OTX1: variants seen among roughly 807,000 people sequenced by gnomAD.
The protein encoded by OTX1 is orthodenticle homeobox 1, also known as homeobox protein OTX1.
A neutral mutation model predicts 26.7 loss-of-function variants in OTX1; 7 were observed. That is an observed-to-expected ratio of 0.26 (90% CI 0.15 to 0.49). The LOEUF is 0.49. Among genes scored for constraint, OTX1 ranks in the 20% least tolerant of loss-of-function variants. The pLI is 0.98. For synonymous variants in OTX1, 216 were observed against 212.8 expected (o/e 1.01, Z -0.13); for missense variants, 414 against 483.8 (o/e 0.86, Z 1.35).
chr2:63,055,968 C>T lies in OTX1; in HGVS notation c.717C>T (p.Ser239=). The T allele has an allele frequency of 6.2e-7, 1 of 1,613,696 alleles. No homozygotes were observed. Among genetic ancestry groups the T allele is most frequent in the Non-Finnish European group, 8.5e-7 (1 of 1,180,038 alleles). ...ACGGCCAAGGCTACCCTACGCCCTC[C>T]TCTTCCTACTTTGGCGGCGTGGACT... ...GSYGQGYPTP[S]SSYFGGVDCS... The change falls in exon 5 of 5, where the codon TCC becomes TCT. Residue 239 remains serine (S), a synonymous_variant. Transcript: ENST00000282549. The surrounding 1 kb of genome is among the most constrained non-coding windows in gnomAD (Gnocchi z 5.2).
In OTX1 at chr2:63,056,438, C is replaced by CA. The variant is rs752690685; in HGVS notation, c.*127dup. The CA allele has an allele frequency of 1.5e-5, 14 of 909,236 alleles. No homozygotes were observed. The highest frequency in any genetic ancestry group is 2.3e-5 in the Non-Finnish European group (14 of 608,698). The allele number at this position is 909,236 out of a possible 1,614,324, so 56.3% of individuals were successfully genotyped here. ...TCTCCAAAACTGAATTTTCACCCCC[C>CA]AAAAAGATGTCCATTGCCTGCACTG... On this transcript the variant is annotated 3_prime_UTR_variant, in exon 5 of 5. Transcript: ENST00000282549.
rs764349035 is a variant in OTX1 at position 63,055,943 on chromosome 2, A to T, written c.692A>T (p.Tyr231Phe). Residue 231 changes from tyrosine to phenylalanine, a missense_variant, in exon 5 of 5, where the codon TAC becomes TTC. This residue lies in a region of OTX1 where 320 missense variants were observed against 347.9 expected (regional missense o/e 0.92). Transcript: ENST00000282549. The surrounding 1 kb of genome is among the most constrained non-coding windows in gnomAD (Gnocchi z 5.2). Reference protein sequence around the residue: ...YPMSYGQGGSYGQGYPTPSSS... With the variant: ...YPMSYGQGGSFGQGYPTPSSS... ...ATGTCCTACGGCCAGGGCGGCAGCT[A>T]CGGCCAAGGCTACCCTACGCCCTCC... The T allele has an allele frequency of 1.9e-6, 3 of 1,613,050 alleles. No individual in the cohort carries two copies. The highest frequency in any genetic ancestry group is 1.1e-5 in the South Asian group (1 of 91,084).
upstream of OTX1, chr2:63,050,610 C>T (rs1016032399): frequency 6.7e-6 from 1 of 148,396 alleles, no homozygotes; most frequent in East Asian, 2.1e-4. Flanking sequence ...TTTTGCCAGC[C>T]GAGTCCCGGA....
Position 63,052,936 on chromosome 2 carries a change from G to T in OTX1, c.-55G>T. The T allele has an allele frequency of 8.1e-7, 1 of 1,229,508 alleles. No homozygotes were observed. The allele number at this position is 1,229,508 out of a possible 1,614,324, so 76.2% of individuals were successfully genotyped here. On this transcript the variant is annotated 5_prime_UTR_variant, in exon 3 of 5. Coordinates refer to ENST00000282549, the MANE Select transcript of OTX1 (RefSeq NM_014562.4). ...GACTGCGTGGTGGGAGCCCTGCACC[G>T]CTCCTGGCCCCGGGCCCCCTGGATC...
At position 63,055,839 on chromosome 2, in the gene OTX1, A is replaced by G; in HGVS notation, c.588A>G (p.Pro196=). The change falls in exon 5 of 5, where the codon CCA becomes CCG. Residue 196 remains proline, a synonymous_variant. Transcript: ENST00000282549. The surrounding 1 kb of genome is among the most constrained non-coding windows in gnomAD (Gnocchi z 5.2). ...SAPASVSVPE[P]LAAPSNTSCM... ...CCGCGTCCGTGTCGGTGCCGGAGCC[A>G]TTGGCCGCGCCTAGCAACACCTCGT... is the stretch of plus-strand genomic sequence containing the variant. 1 of 1,612,214 alleles carries G rather than the reference A, an allele frequency of 6.2e-7. No individual in the cohort carries two copies. The highest frequency in any genetic ancestry group is 8.5e-7 in the Non-Finnish European group (1 of 1,179,804).
upstream of OTX1, among the ~76,000 whole-genome samples, chr2:63,049,856 A>G (rs2062010230): frequency 6.6e-6 from 1 of 152,234 alleles, no homozygotes; most frequent in African/African-American, 2.4e-5. This position sits in a 1 kb window ranked among gnomAD's most constrained non-coding sequence, Gnocchi z 4.8. Flanking sequence ...CTTCGCCCGT[A>G]CGAACAATCC....
chr2:63,050,783 A>G (rs548291777), upstream of OTX1: 2 of 152,328 alleles, frequency 1.3e-5, no homozygotes, highest in Admixed American at 1.3e-4. Context: ...TAGCCCCGTT[A>G]CGCACTCGCC....
Position 63,055,705 on chromosome 2 carries a change from G to A in OTX1, c.454G>A (p.Ala152Thr). The A allele has an allele frequency of 6.2e-7, 1 of 1,613,418 alleles. No individual in the cohort carries two copies. The highest frequency in any genetic ancestry group is 8.5e-7 in the Non-Finnish European group (1 of 1,179,880). ...ASSSSANPAA[A>T]AAAGLGGNPV... ...CAGCTCTTCCGCCAACCCAGCGGCT[G>A]CAGCGGCTGCGGGACTAGGTGGGAA... Residue 152 changes from alanine (A) to threonine (T), a missense_variant, in exon 5 of 5, where the codon GCA becomes ACA. By Grantham distance (58) the Ala-to-Thr change is moderately conservative. Around this residue, in one of 3 missense-constraint regions of OTX1, gnomAD observed 320 missense variants for 347.9 expected, o/e 0.92. Coordinates refer to ENST00000282549, the MANE Select transcript of OTX1 (RefSeq NM_014562.4). The surrounding 1 kb of genome is among the most constrained non-coding windows in gnomAD (Gnocchi z 5.2).
At chr2:63,053,901 G>C (rs556375653) in intron 3 of OTX1, 146 bp from the exon 4 acceptor site, 3 of 921,730 alleles carry the variant, frequency 3.3e-6, no homozygotes, top group Non-Finnish European at 3.2e-6. Context: ...TCTCAGGCTC[G>C]GCCGCCCGAG....
chr2:63,050,351 G>A (rs1490483228), upstream of OTX1, among the ~76,000 whole-genome samples: 1 of 152,174 alleles, frequency 6.6e-6, no homozygotes, highest in Non-Finnish European at 1.5e-5. Flanking sequence ...GAGAGGGGCC[G>A]AGGCCCGGGC....
In OTX1 at chr2:63,055,997, G is replaced by A; in HGVS notation, c.746G>A (p.Ser249Asn). Residue 249 changes from serine (S) to asparagine (N), a missense_variant, in exon 5 of 5, where the codon AGC becomes AAC. This residue lies in a region of OTX1 where 320 missense variants were observed against 347.9 expected (regional missense o/e 0.92). Coordinates refer to ENST00000282549, the MANE Select transcript of OTX1 (RefSeq NM_014562.4). This position sits in a 1 kb window ranked among gnomAD's most constrained non-coding sequence, Gnocchi z 5.2. ...SSSYFGGVDC[S>N]SYLAPMHSHH... The stretch of plus-strand genomic sequence containing the variant: ...TCCTACTTTGGCGGCGTGGACTGCA[G>A]CTCATACCTAGCGCCCATGCACTCA... 1 of 1,613,990 alleles carries A rather than the reference G, an allele frequency of 6.2e-7. No individual in the cohort carries two copies. Among genetic ancestry groups the A allele is most frequent in the Non-Finnish European group, 8.5e-7 (1 of 1,180,040 alleles).
In OTX1 at chr2:63,056,519, T is replaced by G. The variant is rs2062069361; in HGVS notation, c.*203T>G. 1 of 604,628 alleles carries G rather than the reference T, an allele frequency of 1.7e-6. No homozygotes were observed. Among genetic ancestry groups the G allele is most frequent in the Non-Finnish European group, 2.9e-6 (1 of 342,020 alleles). 37.5% of individuals were successfully genotyped at this position (604,628 alleles called of 1,614,324 possible). A position where few individuals can be genotyped will look rare whatever the true frequency, so the allele number is the denominator to read the frequency against. ...GGGATGTGCAAACCCACCCTGCCCC[T>G]TGGATGGGGGGACCGGTGCTTCGGC... is the stretch of plus-strand genomic sequence containing the variant. On this transcript the variant is annotated 3_prime_UTR_variant, in exon 5 of 5. Coordinates refer to ENST00000282549, the MANE Select transcript of OTX1 (RefSeq NM_014562.4).
At chr2:63,051,863 G>A (rs747761688) in intron 2 of OTX1, 3 of 152,604 alleles carry the variant, frequency 2.0e-5, no homozygotes, top group Non-Finnish European at 4.4e-5. Flanking sequence ...TGACCCCTGA[G>A]AGTGGCACCC....
chr2:63,054,599 G>A (rs539714571), intron 4 of OTX1, among the ~76,000 whole-genome samples: 2 of 152,216 alleles, frequency 1.3e-5, no homozygotes, highest in South Asian at 4.1e-4. Flanking sequence ...TTCCACCCCG[G>A]GAATCCTAGA....
chr2:63,054,033 G>C lies in OTX1; in HGVS notation c.98-14G>C. ...GCCACCAATGACCCGCGGCGCCCCC[G>C]CGTGTCCCCGCAGCCACTCCGCGGA... On this transcript the variant is annotated splice_polypyrimidine_tract_variant and intron_variant, in intron 3 of 4. Coordinates refer to ENST00000282549, the MANE Select transcript of OTX1 (RefSeq NM_014562.4). 3 of 1,606,398 alleles carry C rather than the reference G, an allele frequency of 1.9e-6. No individual in the cohort carries two copies. Among genetic ancestry groups the C allele is most frequent in the Middle Eastern group, 3.3e-4 (2 of 6,022 alleles).
In OTX1 at chr2:63,055,769, C is replaced by T; in HGVS notation, c.518C>T (p.Ala173Val). ...GCGTCGTCGCTGAGTACACCAGCTGCCTCATCTATCTGGAGCCCGGCCTCC... is the reference window on the plus strand; with the variant it reads ...GCGTCGTCGCTGAGTACACCAGCTGTCTCATCTATCTGGAGCCCGGCCTCC... Reference protein sequence around the residue: ...AAASSLSTPAASSIWSPASIS... With the variant: ...AAASSLSTPAVSSIWSPASIS... The change falls in exon 5 of 5, where the codon GCC (alanine) becomes GTC (valine). Residue 173 changes from alanine to valine, a missense_variant. Physicochemically the swap from Ala to Val is moderately conservative, Grantham distance 64. Coordinates refer to ENST00000282549, the MANE Select transcript of OTX1 (RefSeq NM_014562.4). The surrounding 1 kb of genome is among the most constrained non-coding windows in gnomAD (Gnocchi z 5.2). 6.2e-7 allele frequency: 1 copy of T among 1,612,590 alleles called. No homozygotes were observed. The highest frequency in any genetic ancestry group is 8.5e-7 in the Non-Finnish European group (1 of 1,179,694).
chr2:63,057,826 A>C lies in OTX1; in HGVS notation c.*1510A>C, dbSNP rs1350779567. The C allele has an allele frequency of 6.6e-6, 1 of 152,128 alleles. No individual in the cohort carries two copies. Among genetic ancestry groups the C allele is most frequent in the Admixed American group, 6.5e-5 (1 of 15,290 alleles). 9.4% of individuals were successfully genotyped at this position (152,128 alleles called of 1,614,324 possible). A position where few individuals can be genotyped will look rare whatever the true frequency, so the allele number is the denominator to read the frequency against. On this transcript the variant is annotated 3_prime_UTR_variant, in exon 5 of 5. Coordinates refer to ENST00000282549, the MANE Select transcript of OTX1 (RefSeq NM_014562.4). ...TACTTCCCGAAAATAAATGCAAATT[A>C]ATGAACGGCTTGTCAGTGTTGCTCT...
chr2:63,049,775 ACT>A (rs2062009725), upstream of OTX1, among the ~76,000 whole-genome samples: 1 of 152,134 alleles, frequency 6.6e-6, no homozygotes, highest in Non-Finnish European at 1.5e-5. This position sits in a 1 kb window ranked among gnomAD's most constrained non-coding sequence, Gnocchi z 4.8. Flanking sequence ...TGGAACGAAA[ACT>A]CTTTTTTGCA....
Position 63,055,261 on chromosome 2 carries a change from G to A in OTX1, c.250-240G>A, listed in dbSNP as rs1174624311. The stretch of plus-strand genomic sequence containing the variant: ...AGAGTTGCGGTAGGGGTGGGGAGGT[G>A]CGCATCCCTGCTCTGGAGCCAGCTG... On this transcript the variant is annotated intron_variant, in intron 4 of 4. Coordinates refer to ENST00000282549, the MANE Select transcript of OTX1 (RefSeq NM_014562.4). This position sits in a 1 kb window ranked among gnomAD's most constrained non-coding sequence, Gnocchi z 5.2. 1.3e-5 allele frequency among the ~76,000 whole-genome samples: 2 copies of A among 152,198 alleles called. No homozygotes were observed. The highest frequency in any genetic ancestry group is 2.4e-5 in the African/African-American group (1 of 41,450).
Sources: allele counts gnomAD v4.1 joint callset (sites outside exome capture counted in the v4.1 genomes callset), GRCh38; gene constraint gnomAD v4.1.1; regional missense constraint gnomAD v4.1.1; non-coding constraint Gnocchi (gnomAD v3.1); transcripts MANE v1.5; gene names NCBI Gene and HGNC (gene_info 2026-07-23, HGNC 2026-07-21).